PDE4B: variants seen among roughly 807,000 people sequenced by gnomAD.
PDE4B encodes the protein 3',5'-cyclic-AMP phosphodiesterase 4B.
A neutral mutation model predicts 82.2 loss-of-function variants in PDE4B; 20 were observed. The ratio of observed to expected loss-of-function variants is 0.24; its 90% CI spans 0.17 to 0.35. PDE4B has a LOEUF of 0.35. Ranked by LOEUF, PDE4B falls within the 10% of genes least tolerant of loss-of-function variation. The probability of loss-of-function intolerance (pLI) is 1.00; values close to 1 mark genes in which losing one functional copy is unlikely to be tolerated. For missense variants in PDE4B, 655 were observed against 907.2 expected (o/e 0.72, Z 3.57); for synonymous variants, 320 against 318.9 (o/e 1.00, Z -0.04).
intron 3 of PDE4B, among the ~76,000 whole-genome samples, chr1:66,025,470 A>G (rs930216777): frequency 1.3e-5 from 2 of 152,122 alleles, no homozygotes; most frequent in African/African-American, 2.4e-5. Flanking sequence ...AAAAATAAAT[A>G]TTTTCCAGTA....
chr1:65,819,499 G>GTTTTTTTTTTTTTT (rs11438074), intron 1 of PDE4B, among the ~76,000 whole-genome samples: 1 of 145,404 alleles, frequency 6.9e-6, no homozygotes, highest in African/African-American at 2.6e-5. Context: ...GTTTGTTTTT[G>GTTTTTTTTTTTTTT]TTTTGTTTTT....
intron 3 of PDE4B, among the ~76,000 whole-genome samples, chr1:66,210,700 G>C (rs1298397298): frequency 6.6e-6 from 1 of 151,602 alleles, no homozygotes; most frequent in Non-Finnish European, 1.5e-5. Context: ...ACAATCACAG[G>C]AACCTATAGA....
Position 66,200,362 on chromosome 1 carries a change from G to GT in PDE4B, c.282-47092dup, listed in dbSNP as rs1340498566. Reference sequence around the variant, plus strand: ...TTGGTTCCATATGAACTTTACAGTAGTTTTTTCCAATTCTGTGAAGAAAGT... The same window carrying GT: ...TTGGTTCCATATGAACTTTACAGTAGTTTTTTTCCAATTCTGTGAAGAAAGT... On this transcript the variant is annotated intron_variant, in intron 3 of 16. Transcript: ENST00000341517. Among the ~76,000 whole-genome samples, 29 of 152,238 alleles carry GT rather than the reference G, an allele frequency of 1.9e-4. No individual in the cohort carries two copies. In the East Asian group the frequency reaches 5.2e-3, roughly 27 times the overall value.
intron 3 of PDE4B, among the ~76,000 whole-genome samples, chr1:66,166,750 A>C (rs540135500): frequency 6.6e-6 from 1 of 152,044 alleles, no homozygotes; most frequent in East Asian, 1.9e-4. Context: ...AAAAAAAAAA[A>C]AGTGAAAGGA....
chr1:66,155,550 A>C (rs1015382513), intron 3 of PDE4B, among the ~76,000 whole-genome samples: 1 of 151,998 alleles, frequency 6.6e-6, no homozygotes, highest in Non-Finnish European at 1.5e-5. Context: ...TCTAGAGCTG[A>C]TTTTATATTG....
intron 3 of PDE4B, among the ~76,000 whole-genome samples, chr1:66,163,305 G>A (rs547824082): frequency 1.1e-4 from 17 of 152,254 alleles, no homozygotes; most frequent in Admixed American, 8.5e-4. Context: ...TAAATCTGAC[G>A]TCTGTATATT....
At chr1:66,209,707 A>G (rs183974762) in intron 3 of PDE4B, among the ~76,000 whole-genome samples, 151 of 152,252 alleles carry the variant, frequency 9.9e-4, no homozygotes, top group Admixed American at 2.0e-3. Flanking sequence ...CCAGGCTACC[A>G]TTGATCTGAT....
At chr1:66,164,755 CTTTTTTT>C (rs145224852) in intron 3 of PDE4B, among the ~76,000 whole-genome samples, 1 of 87,874 alleles carries the variant, frequency 1.1e-5, no homozygotes, top group Non-Finnish European at 2.1e-5. Context: ...CTTTTCTTTT[CTTTTTTT>C]TTTTTTTTTT....
At chr1:66,252,225 TAATGTACA>T (rs766563431) in intron 4 of PDE4B, among the ~76,000 whole-genome samples, 1 of 152,172 alleles carries the variant, frequency 6.6e-6, no homozygotes, top group Non-Finnish European at 1.5e-5. Flanking sequence ...CTACATGAAA[TAATGTACA>T]TGAAAGTGCT....
intron 3 of PDE4B, among the ~76,000 whole-genome samples, chr1:66,200,477 A>T (rs1648798536): frequency 6.6e-6 from 1 of 152,160 alleles, no homozygotes; most frequent in Non-Finnish European, 1.5e-5. Flanking sequence ...CCTACGCGTG[A>T]GCATGGAATG....
At chr1:66,072,789 T>G (rs1301439612) in intron 3 of PDE4B, among the ~76,000 whole-genome samples, 1 of 152,136 alleles carries the variant, frequency 6.6e-6, no homozygotes, top group East Asian at 1.9e-4. Flanking sequence ...ATATGGTCCT[T>G]GTCCTGGAAT....
intron 1 of PDE4B, among the ~76,000 whole-genome samples, chr1:65,815,775 A>G (rs759850419): frequency 7.9e-5 from 12 of 152,206 alleles, no homozygotes; most frequent in Non-Finnish European, 1.3e-4. Context: ...AGTCAATAAT[A>G]ACAATCCTAC....
chr1:66,097,056 T>G (rs193194668), intron 3 of PDE4B, among the ~76,000 whole-genome samples: 1 of 152,154 alleles, frequency 6.6e-6, no homozygotes, highest in Non-Finnish European at 1.5e-5. Context: ...GAAGCTGGCA[T>G]GAACATGTGA....
intron 3 of PDE4B, among the ~76,000 whole-genome samples, chr1:66,113,643 T>C (rs1645534159): frequency 6.6e-6 from 1 of 152,206 alleles, no homozygotes; most frequent in Non-Finnish European, 1.5e-5. Flanking sequence ...ACAGTGAGCA[T>C]GATTCCATAT....
At chr1:66,294,230 G>A (rs1657330238) in intron 7 of PDE4B, among the ~76,000 whole-genome samples, 1 of 151,926 alleles carries the variant, frequency 6.6e-6, no homozygotes, top group African/African-American at 2.4e-5. Flanking sequence ...AAAAAAATCT[G>A]TGATTTTATT....
intron 3 of PDE4B, among the ~76,000 whole-genome samples, chr1:66,058,925 C>G (rs1655443104): frequency 6.6e-6 from 1 of 152,242 alleles, no homozygotes; most frequent in Non-Finnish European, 1.5e-5. Context: ...TTGAATTTCT[C>G]CTCAGAATAT....
intron 3 of PDE4B, among the ~76,000 whole-genome samples, chr1:66,238,944 C>T (rs1652671118): frequency 1.3e-5 from 2 of 152,140 alleles, no homozygotes; most frequent in Admixed American, 1.3e-4. Context: ...AGGTTTCAAA[C>T]ATATATCTAG....
chr1:66,233,694 A>G (rs990349883), intron 3 of PDE4B, among the ~76,000 whole-genome samples: 21 of 151,050 alleles, frequency 1.4e-4, no homozygotes, highest in Middle Eastern at 3.5e-3. Context: ...ATGTAAATAT[A>G]TGTGTGTGTG....
chr1:66,055,996 T>C (rs1373472507), intron 3 of PDE4B, among the ~76,000 whole-genome samples: 2 of 152,222 alleles, frequency 1.3e-5, no homozygotes, highest in African/African-American at 2.4e-5. Flanking sequence ...CTGGCTACAC[T>C]TCCCTAGAAC....
Sources: allele counts gnomAD v4.1 joint callset (sites outside exome capture counted in the v4.1 genomes callset), GRCh38; gene constraint gnomAD v4.1.1; transcripts MANE v1.5; gene names NCBI Gene and HGNC (gene_info 2026-07-23, HGNC 2026-07-21).